The following CRIM1 variants were observed in gnomAD, a reference collection of about 807,000 sequenced individuals.
The protein encoded by CRIM1 is cysteine-rich motor neuron 1 protein.
Under a neutral mutation model 116.4 loss-of-function variants are expected in CRIM1, and 32 were observed. That is an observed-to-expected ratio of 0.27 (90% CI 0.21 to 0.37). The LOEUF is 0.37. CRIM1 is among the 10% of genes least tolerant of loss of function. The probability of loss-of-function intolerance (pLI) is 1.00; values close to 1 mark genes in which losing one functional copy is unlikely to be tolerated. For missense variants in CRIM1, 1,331 were observed against 1,354.8 expected, an observed-to-expected ratio of 0.98 and a Z score of 0.28; for synonymous variants, 590 against 509.2, an observed-to-expected ratio of 1.16 and a Z score of -2.13.
At chr2:36,534,898 G>C (rs557358527) in intron 13 of CRIM1, among the ~76,000 whole-genome samples, 6 of 152,212 alleles carry the variant, frequency 3.9e-5, no homozygotes, top group Admixed American at 3.9e-4. Context: ...ATATTGCATT[G>C]TATGGGCCAA....
intron 7 of CRIM1, among the ~76,000 whole-genome samples, chr2:36,491,224 T>C (rs976077253): frequency 4.6e-5 from 7 of 152,338 alleles, no homozygotes; most frequent in Middle Eastern, 3.4e-3. Context: ...TGTGTACTTT[T>C]CTGCCTTCTT....
At chr2:36,547,586 A>G (rs1667441846) in intron 16 of CRIM1, among the ~76,000 whole-genome samples, 1 of 152,164 alleles carries the variant, frequency 6.6e-6, no homozygotes, top group South Asian at 2.1e-4. Context: ...TACTCAGGAG[A>G]GGGCTGGAAG....
intron 12 of CRIM1, among the ~76,000 whole-genome samples, chr2:36,518,021 A>G (rs1055056277): frequency 6.6e-6 from 1 of 152,222 alleles, no homozygotes; most frequent in Non-Finnish European, 1.5e-5. Context: ...ACCCCCTCCA[A>G]GTTGGGATGA....
chr2:36,521,077 G>T (rs984214480), intron 12 of CRIM1, among the ~76,000 whole-genome samples: 1 of 152,126 alleles, frequency 6.6e-6, no homozygotes, highest in Non-Finnish European at 1.5e-5. Flanking sequence ...AACTGGAAAC[G>T]CACCCACTTA....
intron 4 of CRIM1, among the ~76,000 whole-genome samples, chr2:36,448,289 C>T (rs1366111247): frequency 6.6e-6 from 1 of 152,230 alleles, no homozygotes. Context: ...GAGGCAGATG[C>T]ATTTGAAGGA....
chr2:36,442,674 C>G lies in CRIM1; in HGVS notation c.808C>G (p.Pro270Ala). ...TCCTGTTCAGCAGACCGCGTGTCCC[C>G]CGGACAGCTATGAAACTCAAGTCAG... ...CPPVQQTACPPDSYETQVRLT... is the reference protein window; with the variant it reads ...CPPVQQTACPADSYETQVRLT... Residue 270 changes from proline (P) to alanine (A), a missense_variant, in exon 4 of 17, where the codon CCG (proline) becomes GCG (alanine). Coordinates refer to ENST00000280527, the MANE Select transcript of CRIM1 (RefSeq NM_016441.3). 1 of 1,614,126 alleles carries G rather than the reference C, an allele frequency of 6.2e-7. No homozygotes were observed. The highest frequency in any genetic ancestry group is 1.1e-5 in the South Asian group (1 of 91,080).
intron 7 of CRIM1, among the ~76,000 whole-genome samples, chr2:36,490,273 A>G (rs935403720): frequency 6.6e-6 from 1 of 152,144 alleles, no homozygotes; most frequent in East Asian, 1.9e-4. Context: ...CCCTTACAGT[A>G]TAGTCTTTTC....
At chr2:36,482,021 C>A (rs1375555644) in intron 7 of CRIM1, among the ~76,000 whole-genome samples, 1 of 152,156 alleles carries the variant, frequency 6.6e-6, no homozygotes, top group Non-Finnish European at 1.5e-5. Flanking sequence ...GGGAAAGATG[C>A]CTTTGAGATG....
At chr2:36,466,524 G>A (rs534775435) in intron 5 of CRIM1, among the ~76,000 whole-genome samples, 2 of 152,166 alleles carry the variant, frequency 1.3e-5, no homozygotes, top group Non-Finnish European at 2.9e-5. Flanking sequence ...GCTTCCCTGG[G>A]TTCCCAGCAT....
intron 2 of CRIM1, among the ~76,000 whole-genome samples, chr2:36,425,388 T>G (rs558455134): frequency 6.6e-6 from 1 of 152,350 alleles, no homozygotes; most frequent in East Asian, 1.9e-4. Flanking sequence ...ACTATTTCAC[T>G]AGGAGTACTG....
chr2:36,535,233 G>A, intron 13 of CRIM1, among the ~76,000 whole-genome samples: 1 of 150,472 alleles, frequency 6.6e-6, no homozygotes, highest in African/African-American at 2.5e-5. Flanking sequence ...GAAGGAAGGT[G>A]AGGGAGGGGG....
rs531613756 is a variant in CRIM1 at position 36,438,695 on chromosome 2, G to A, written c.506-2563G>A. On this transcript the variant is annotated intron_variant, in intron 2 of 16. Coordinates refer to ENST00000280527, the MANE Select transcript of CRIM1 (RefSeq NM_016441.3). ...AGGGAGCAGGGATGTAGCTAACCCG[G>A]TAGCTTTAACAAAAACCACATTTCT... Among the ~76,000 whole-genome samples the A allele has an allele frequency of 5.3e-5, 8 of 152,282 alleles. No individual in the cohort carries two copies. In the South Asian group the frequency reaches 1.7e-3, roughly 32 times the overall value.
chr2:36,394,079 G>A (rs1671827210), intron 1 of CRIM1, among the ~76,000 whole-genome samples: 1 of 152,154 alleles, frequency 6.6e-6, no homozygotes, highest in African/African-American at 2.4e-5. Context: ...GGTGTCTTCA[G>A]GGAGTTCCAG....
chr2:36,454,542 T>C (rs1676987952), intron 4 of CRIM1, among the ~76,000 whole-genome samples: 1 of 152,234 alleles, frequency 6.6e-6, no homozygotes, highest in Non-Finnish European at 1.5e-5. Flanking sequence ...CTAGCTGCTC[T>C]TAACAGCTTG....
At chr2:36,506,100 G>T (rs1291661724) in intron 8 of CRIM1, among the ~76,000 whole-genome samples, 1 of 150,528 alleles carries the variant, frequency 6.6e-6, no homozygotes, top group Non-Finnish European at 1.5e-5. Context: ...GGTAGGAATC[G>T]ACCTTGAACA....
chr2:36,483,788 C>G (rs1445555874), intron 7 of CRIM1, among the ~76,000 whole-genome samples: 1 of 152,172 alleles, frequency 6.6e-6, no homozygotes, highest in Non-Finnish European at 1.5e-5. Context: ...GAAGTCCCAA[C>G]CAGACCCTTC....
intron 4 of CRIM1, among the ~76,000 whole-genome samples, chr2:36,457,283 C>CT (rs1243707103): frequency 6.6e-6 from 1 of 152,148 alleles, no homozygotes; most frequent in African/African-American, 2.4e-5. Context: ...ACCTAATTGT[C>CT]TTTAACTTAT....
At chr2:36,481,514 G>A (rs1252583727) in intron 7 of CRIM1, among the ~76,000 whole-genome samples, 1 of 152,198 alleles carries the variant, frequency 6.6e-6, no homozygotes, top group Non-Finnish European at 1.5e-5. Context: ...AGATAAGTAA[G>A]AGATAACCTT....
intron 4 of CRIM1, among the ~76,000 whole-genome samples, chr2:36,463,658 C>T (rs549268398): frequency 3.3e-5 from 5 of 152,310 alleles, no homozygotes; most frequent in Admixed American, 2.6e-4. Flanking sequence ...TCCTGCCTCT[C>T]TTTCATTGTA....
Sources: allele counts gnomAD v4.1 joint callset (sites outside exome capture counted in the v4.1 genomes callset), GRCh38; gene constraint gnomAD v4.1.1; transcripts MANE v1.5; gene names NCBI Gene and HGNC (gene_info 2026-07-23, HGNC 2026-07-21).